The following PIMREG variants were observed in gnomAD, a reference collection of about 807,000 sequenced individuals.
The protein encoded by PIMREG is PICALM interacting mitotic regulator, also known as protein PIMREG.
In PIMREG, 19 loss-of-function variants were observed where a neutral mutation model predicts 24.3. The ratio of observed to expected loss-of-function variants is 0.78; its 90% CI spans 0.54 to 1.15. The LOEUF (loss-of-function observed/expected upper bound fraction) is 1.15, where lower values mean the gene tolerates loss of function less well. Among genes scored for constraint, PIMREG ranks in the 50% most tolerant of loss-of-function variants. PIMREG has a pLI of 0.00. For missense variants in PIMREG, 283 were observed against 306.8 expected (o/e 0.92, Z 0.58); for synonymous variants, 112 against 124.1 (o/e 0.90, Z 0.65).
intron 2 of PIMREG, 133 bp downstream of exon 2, chr17:6,445,537 C>T: frequency 1.1e-6 from 1 of 893,778 alleles, no homozygotes; most frequent in Non-Finnish European, 1.7e-6. Context: ...GCTGTTTCCC[C>T]ACCACCCCAG....
rs566576406 is a variant in PIMREG at position 6,445,121 on chromosome 17, G to T, written c.11G>T (p.Arg4Leu). The T allele has an allele frequency of 3.8e-6, 6 of 1,594,812 alleles. No homozygotes were observed. The Admixed American group carries it at 5.3e-5, about 14-fold the overall frequency. Residue 4 changes from arginine to leucine, a missense_variant, in exon 2 of 6, where the codon CGG becomes CTG. By Grantham distance (102) the Arg-to-Leu change is moderately radical (BLOSUM62 -2). Coordinates refer to ENST00000572447, the MANE Select transcript of PIMREG (RefSeq NM_019013.3). ...CTCTTGGCCAGGCAGATGGCTTCTCGGTGGCAGAACATGGGGACCTCCGTG... is the reference window on the plus strand; with the variant it reads ...CTCTTGGCCAGGCAGATGGCTTCTCTGTGGCAGAACATGGGGACCTCCGTG... MASRWQNMGTSVRR... is the reference protein window; with the variant it reads MASLWQNMGTSVRR...
chr17:6,450,419 G>T lies in PIMREG; in HGVS notation c.*72G>T. ...TACTCAAGGATGTCTATGCTTCCCC[G>T]TGAGCTTCCTGGAAAAAACCCCCGG... On this transcript the variant is annotated 3_prime_UTR_variant, in exon 6 of 6. Coordinates refer to ENST00000572447, the MANE Select transcript of PIMREG (RefSeq NM_019013.3). 6.4e-7 allele frequency: 1 copy of T among 1,569,656 alleles called. No homozygotes were observed. Among genetic ancestry groups the T allele is most frequent in the Non-Finnish European group, 8.6e-7 (1 of 1,165,448 alleles).
chr17:6,447,752 C>G lies in PIMREG; in HGVS notation c.584C>G (p.Ser195Cys). The G allele has an allele frequency of 6.3e-7, 1 of 1,599,618 alleles. No homozygotes were observed. The highest frequency in any genetic ancestry group is 8.5e-7 in the Non-Finnish European group (1 of 1,169,650). Residue 195 changes from serine (S) to cysteine (C), a missense_variant, in exon 3 of 6, where the codon TCT becomes TGT. By Grantham distance (112) the Ser-to-Cys change is moderately radical. Coordinates refer to ENST00000572447, the MANE Select transcript of PIMREG (RefSeq NM_019013.3). ...TACTCCTCAACAGAGCCCCTCTGCTCTCCCAGGCAAGTGGGATAGTGCTTC... is the reference window on the plus strand; with the variant it reads ...TACTCCTCAACAGAGCCCCTCTGCTGTCCCAGGCAAGTGGGATAGTGCTTC... ...SPYSSTEPLC[S>C]PSESDSDLEP...
intron 2 of PIMREG, among the ~76,000 whole-genome samples, chr17:6,447,051 T>C (rs1913598345): frequency 6.6e-6 from 1 of 152,004 alleles, no homozygotes; most frequent in Non-Finnish European, 1.5e-5. Flanking sequence ...ACTTGCTGAG[T>C]GTAGGGGTTG....
chr17:6,447,873 T>A (rs1913647019), intron 3 of PIMREG, 115 bp downstream of exon 3: 2 of 1,152,798 alleles, frequency 1.7e-6, no homozygotes, highest in Non-Finnish European at 2.4e-6. Context: ...GCACCCCCTG[T>A]GGCTACCTGG....
At chr17:6,447,352 G>T in intron 2 of PIMREG, 111 bp from the exon 3 acceptor site, 1 of 1,184,368 alleles carries the variant, frequency 8.4e-7, no homozygotes. Flanking sequence ...CTGACCTCAG[G>T]TGATCTGCCT....
intron 3 of PIMREG, 109 bp from the exon 4 acceptor site, chr17:6,449,203 G>A: frequency 3.5e-6 from 3 of 849,072 alleles, no homozygotes; most frequent in South Asian, 1.7e-5. Flanking sequence ...GTGAAGCCCA[G>A]CCCGCCAGGG....
intron 4 of PIMREG, 138 bp from the exon 5 acceptor site, chr17:6,449,890 C>T (rs1209562238): frequency 7.2e-7 from 1 of 1,394,180 alleles, no homozygotes; most frequent in Non-Finnish European, 9.9e-7. Flanking sequence ...GGCTCTAAGG[C>T]TGGGCCCTGC....
At chr17:6,450,305 A>T in intron 5 of PIMREG, 57 bp from the exon 6 acceptor site, 1 of 1,452,906 alleles carries the variant, frequency 6.9e-7, no homozygotes, top group Non-Finnish European at 9.3e-7. Flanking sequence ...GAGCAGGGAA[A>T]GGCATCCCTA....
At chr17:6,446,196 C>T (rs1220449224) in intron 2 of PIMREG, 3 of 401,066 alleles carry the variant, frequency 7.5e-6, no homozygotes, top group Non-Finnish European at 1.3e-5. Context: ...ATGTAAGTGT[C>T]TGTGGACCCT....
chr17:6,450,290 G>A (rs377350020), intron 5 of PIMREG, 72 bp from the exon 6 acceptor site: 74 of 1,385,656 alleles, frequency 5.3e-5, no homozygotes, highest in Middle Eastern at 1.8e-4. Flanking sequence ...CCCCCACCCC[G>A]CAGTGAGCAG....
Position 6,450,443 on chromosome 17 carries a change from G to A in PIMREG, c.*96G>A, listed in dbSNP as rs202003927. On this transcript the variant is annotated 3_prime_UTR_variant, in exon 6 of 6. Coordinates refer to ENST00000572447, the MANE Select transcript of PIMREG (RefSeq NM_019013.3). ...CGTGAGCTTCCTGGAAAAAACCCCCGGGAGTCGTCAGTACCCCTGGGCCAC... is the reference window on the plus strand; with the variant it reads ...CGTGAGCTTCCTGGAAAAAACCCCCAGGAGTCGTCAGTACCCCTGGGCCAC... The A allele has an allele frequency of 9.9e-5, 155 of 1,559,968 alleles. No individual in the cohort carries two copies. The highest frequency in any genetic ancestry group is 1.4e-4 in the East Asian group (6 of 43,000).
intron 2 of PIMREG, among the ~76,000 whole-genome samples, chr17:6,446,453 T>C (rs889821028): frequency 6.6e-6 from 1 of 152,108 alleles, no homozygotes; most frequent in African/African-American, 2.4e-5. Context: ...TTTTGATTGT[T>C]TTCACCACCC....
At chr17:6,449,234 CACCCCGGT>C in intron 3 of PIMREG, 70 bp from the exon 4 acceptor site, 2 of 1,287,200 alleles carry the variant, frequency 1.6e-6, no homozygotes, top group South Asian at 2.8e-5. Flanking sequence ...CCACAGACCA[CACCCCGGT>C]ACCGGGTTGC....
At chr17:6,447,867 C>G in intron 3 of PIMREG, 109 bp downstream of exon 3, 1 of 1,232,480 alleles carries the variant, frequency 8.1e-7, no homozygotes, top group Non-Finnish European at 1.1e-6. Flanking sequence ...TTCTTGGCAC[C>G]CCCTGTGGCT....
rs1434979400 is a variant in PIMREG, at chr17:6,447,585, G to A, written c.417G>A (p.Lys139=). Residue 139 remains lysine (K), a synonymous_variant, in exon 3 of 6, where the codon AAG becomes AAA. Transcript: ENST00000572447. ...CCCCAACTCACAGCCTGAGCCAGAA[G>A]AGCACCCGGCTGTCTGGAGCCGCCC... The part of the protein sequence containing the change: ...SGSPTHSLSQ[K]STRLSGAAPA... The A allele has an allele frequency of 1.2e-6, 2 of 1,614,144 alleles. No homozygotes were observed. Among genetic ancestry groups the A allele is most frequent in the South Asian group, 1.1e-5 (1 of 91,080 alleles).
In PIMREG at chr17:6,450,485, A is replaced by C; in HGVS notation, c.*138A>C. 7.4e-7 allele frequency: 1 copy of C among 1,351,980 alleles called. No homozygotes were observed. Among genetic ancestry groups the C allele is most frequent in the Non-Finnish European group, 1.0e-6 (1 of 986,706 alleles). 83.7% of individuals were successfully genotyped at this position (1,351,980 alleles called of 1,614,324 possible). A position where few individuals can be genotyped will look rare whatever the true frequency, so the allele number is the denominator to read the frequency against. On this transcript the variant is annotated 3_prime_UTR_variant, in exon 6 of 6. Coordinates refer to ENST00000572447, the MANE Select transcript of PIMREG (RefSeq NM_019013.3). ...CTGGGCCACTGCTAACAAGCACCTA[A>C]CAAGGGGCCCAGAGCCCCCTGCTCC...
rs75559820 is a variant in PIMREG at position 6,450,037 on chromosome 17, C to T, written c.696C>T (p.Ile232=). 2.3e-4 allele frequency: 367 copies of T among 1,614,116 alleles called. No homozygotes were observed. The highest frequency in any genetic ancestry group is 2.1e-3 in the African/African-American group (159 of 75,024). Residue 232 remains isoleucine, a synonymous_variant, in exon 5 of 6, where the codon ATC becomes ATT. Coordinates refer to ENST00000572447, the MANE Select transcript of PIMREG (RefSeq NM_019013.3). ...EAIMAEESGD[I]VSLIHD ...CTCCCCTTCTCTCTAGTGGTGACATCGTCTCTCTCATTCATGACTGAGGAA... is the reference window on the plus strand; with the variant it reads ...CTCCCCTTCTCTCTAGTGGTGACATTGTCTCTCTCATTCATGACTGAGGAA...
At chr17:6,446,303 T>C (rs75881815) in intron 2 of PIMREG, 4,729 of 397,730 alleles carry the variant, frequency 0.012, 83 homozygotes, top group African/African-American at 0.055. Context: ...AGGGAGAGGA[T>C]TGGGGGCTGC....
Sources: allele counts gnomAD v4.1 joint callset (sites outside exome capture counted in the v4.1 genomes callset), GRCh38; gene constraint gnomAD v4.1.1; transcripts MANE v1.5; gene names NCBI Gene and HGNC (gene_info 2026-07-23, HGNC 2026-07-21).